PTPN13: variants seen among roughly 807,000 people sequenced by gnomAD.
PTPN13 encodes the protein tyrosine-protein phosphatase non-receptor type 13.
In PTPN13, 191 loss-of-function variants were observed where a neutral mutation model predicts 284.0. The ratio of observed to expected loss-of-function variants is 0.67; its 90% CI spans 0.60 to 0.76. The LOEUF is 0.76. PTPN13 is among the 30% of genes least tolerant of loss of function. PTPN13 has a pLI of 0.00. For synonymous variants in PTPN13, 986 were observed against 1,022.3 expected, an observed-to-expected ratio of 0.96 and a Z score of 0.68; for missense variants, 2,797 against 2,939.9, an observed-to-expected ratio of 0.95 and a Z score of 1.12.
Position 86,764,584 on chromosome 4 carries a change from T to C in PTPN13, c.4018-9T>C, listed in dbSNP as rs1739068093. The C allele has an allele frequency of 1.4e-6, 2 of 1,441,350 alleles. No individual in the cohort carries two copies. The highest frequency in any genetic ancestry group is 9.2e-7 in the Non-Finnish European group (1 of 1,092,626). The allele number at this position is 1,441,350 out of a possible 1,614,324, so 89.3% of individuals were successfully genotyped here. ...AACAAGAAATCTTTGTTTGTTTTTCTTTGTTAAGGAATCTTCCTCTTCAGT... is the reference window on the plus strand; with the variant it reads ...AACAAGAAATCTTTGTTTGTTTTTCCTTGTTAAGGAATCTTCCTCTTCAGT... On this transcript the variant is annotated splice_polypyrimidine_tract_variant and intron_variant, in intron 24 of 47. Coordinates refer to ENST00000411767, the MANE Select transcript of PTPN13 (RefSeq NM_080683.3).
intron 40 of PTPN13, among the ~76,000 whole-genome samples, chr4:86,788,033 G>C (rs1350339115): frequency 2.0e-5 from 3 of 152,070 alleles, no homozygotes; most frequent in African/African-American, 7.2e-5. Flanking sequence ...TGAATAAATG[G>C]GACTTTTGCT....
chr4:86,714,913 A>G (rs1299309390), intron 7 of PTPN13, among the ~76,000 whole-genome samples: 1 of 152,164 alleles, frequency 6.6e-6, no homozygotes, highest in Admixed American at 6.5e-5. Context: ...GCAATTAAGC[A>G]TGAGGCAACG....
At chr4:86,635,759 G>A (rs189065622) in intron 2 of PTPN13, among the ~76,000 whole-genome samples, 45 of 152,190 alleles carry the variant, frequency 3.0e-4, no homozygotes, top group African/African-American at 1.0e-3. Context: ...AGGTCAGGCG[G>A]TTGAGACCAG....
At chr4:86,772,096 C>G (rs778187854) in intron 31 of PTPN13, among the ~76,000 whole-genome samples, 3 of 152,090 alleles carry the variant, frequency 2.0e-5, no homozygotes, top group African/African-American at 7.2e-5. Context: ...CCAAAATAAC[C>G]ACAGGAGTCA....
intron 1 of PTPN13, among the ~76,000 whole-genome samples, chr4:86,602,755 C>G (rs1764416442): frequency 6.6e-6 from 1 of 150,688 alleles, no homozygotes; most frequent in Non-Finnish European, 1.5e-5. Flanking sequence ...GTGACCCAAT[C>G]ACAGGTTACT....
intron 5 of PTPN13, 61 bp downstream of exon 5, chr4:86,689,251 A>G: frequency 6.9e-7 from 1 of 1,449,734 alleles, no homozygotes; most frequent in Middle Eastern, 1.8e-4. Flanking sequence ...ATATCACAAA[A>G]TTTTCTTTAA....
At chr4:86,718,612 G>T (rs752740328) in intron 9 of PTPN13, among the ~76,000 whole-genome samples, 2 of 151,948 alleles carry the variant, frequency 1.3e-5, no homozygotes, top group African/African-American at 4.8e-5. Flanking sequence ...CACCATGCCC[G>T]GCTAAGTTTT....
intron 17 of PTPN13, 80 bp downstream of exon 17, chr4:86,745,208 G>A: frequency 7.5e-7 from 1 of 1,332,186 alleles, no homozygotes; most frequent in African/African-American, 1.5e-5. Flanking sequence ...GAACTGCCAT[G>A]ATTAGGATGA....
chr4:86,809,943 T>A lies in PTPN13; in HGVS notation c.7258T>A (p.Cys2420Ser). 6.2e-7 allele frequency: 1 copy of A among 1,614,036 alleles called. No individual in the cohort carries two copies. The highest frequency in any genetic ancestry group is 8.5e-7 in the Non-Finnish European group (1 of 1,179,894). ...AGIGRSGTLI[C>S]IDVVLGLISQ... The stretch of plus-strand genomic sequence containing the variant: ...CATTGGACGTTCAGGGACCCTGATT[T>A]GCATAGATGTGGTTCTGGGATTAAT... Residue 2420 changes from cysteine to serine, a missense_variant, in exon 46 of 48, where the codon TGC becomes AGC. Coordinates refer to ENST00000411767, the MANE Select transcript of PTPN13 (RefSeq NM_080683.3).
chr4:86,724,030 C>A (rs1028306646), intron 10 of PTPN13, among the ~76,000 whole-genome samples: 3 of 152,118 alleles, frequency 2.0e-5, no homozygotes, highest in African/African-American at 7.2e-5. Context: ...TTGCATTGAA[C>A]TACAAATTGG....
At chr4:86,730,550 A>G (rs1412218426) in intron 10 of PTPN13, among the ~76,000 whole-genome samples, 1 of 149,804 alleles carries the variant, frequency 6.7e-6, no homozygotes, top group African/African-American at 2.4e-5. Flanking sequence ...CAGCCTCGGA[A>G]GTTGATCTCA....
chr4:86,732,150 A>T (rs1735017264), intron 10 of PTPN13, among the ~76,000 whole-genome samples: 1 of 152,226 alleles, frequency 6.6e-6, no homozygotes, highest in African/African-American at 2.4e-5. Context: ...TATGTTTGAC[A>T]TCAATAGTAG....
At position 86,689,304 on chromosome 4, in the gene PTPN13, G is replaced by T. The variant is rs936469374; in HGVS notation, c.546+114G>T. ...CATTTTCTCAATGAAGACTAGAAATGGAAAATTGAATTTCTTCTTCTAATA... is the reference window on the plus strand; with the variant it reads ...CATTTTCTCAATGAAGACTAGAAATTGAAAATTGAATTTCTTCTTCTAATA... On this transcript the variant is annotated intron_variant, in intron 5 of 47. Coordinates refer to ENST00000411767, the MANE Select transcript of PTPN13 (RefSeq NM_080683.3). The T allele has an allele frequency of 8.6e-6, 7 of 814,454 alleles. No homozygotes were observed. The African/African-American group carries it at 1.0e-4, about 12-fold the overall frequency. 50.5% of individuals were successfully genotyped at this position (814,454 alleles called of 1,614,324 possible).
chr4:86,597,683 C>G (rs1436215884), intron 1 of PTPN13, among the ~76,000 whole-genome samples: 1 of 152,210 alleles, frequency 6.6e-6, no homozygotes, highest in Non-Finnish European at 1.5e-5. Flanking sequence ...GCACCCTGCT[C>G]TATCCTGCCC....
chr4:86,610,688 G>A (rs1191662524), intron 1 of PTPN13, among the ~76,000 whole-genome samples: 1 of 152,182 alleles, frequency 6.6e-6, no homozygotes, highest in Non-Finnish European at 1.5e-5. Context: ...ACGTTGGAAT[G>A]CAAATTTACA....
intron 2 of PTPN13, among the ~76,000 whole-genome samples, chr4:86,640,562 G>C (rs1723663622): frequency 6.6e-6 from 1 of 152,140 alleles, no homozygotes; most frequent in Non-Finnish European, 1.5e-5. Flanking sequence ...TCAAAACAAA[G>C]TGCCAAATAA....
rs1360607245 is a variant in PTPN13 at position 86,701,238 on chromosome 4, C to CTATGT, written c.635-3_635-2insTATGT. 6.5e-7 allele frequency: 1 copy of CTATGT among 1,539,698 alleles called. No individual in the cohort carries two copies. The highest frequency in any genetic ancestry group is 2.1e-5 in the Admixed American group (1 of 47,160). ...CATACATGATAGATTCTTATCATTC[C>CTATGT]AGGAAGAAGCTCTACTTCTGATGTA... On this transcript the variant is annotated splice_region_variant and splice_polypyrimidine_tract_variant and intron_variant, in intron 6 of 47. Coordinates refer to ENST00000411767, the MANE Select transcript of PTPN13 (RefSeq NM_080683.3).
intron 37 of PTPN13, among the ~76,000 whole-genome samples, chr4:86,783,797 A>C (rs1034061800): frequency 1.3e-5 from 2 of 151,946 alleles, no homozygotes; most frequent in African/African-American, 2.4e-5. Context: ...CATTTTTTTC[A>C]AGTGATTTTT....
At chr4:86,774,925 C>G (rs2149285734) in intron 33 of PTPN13, among the ~76,000 whole-genome samples, 1 of 151,978 alleles carries the variant, frequency 6.6e-6, no homozygotes, top group South Asian at 2.1e-4. Flanking sequence ...GATGAATTTC[C>G]TAGATTAGCA....
Sources: gnomAD v4.1 joint callset for allele counts (sites outside exome capture counted in the v4.1 genomes callset) on GRCh38, gnomAD v4.1.1 for gene constraint, MANE v1.5 for transcripts, NCBI Gene and HGNC (gene_info 2026-07-23, HGNC 2026-07-21) for gene names.